The following ZMIZ1 variants were observed in gnomAD, a reference collection of about 807,000 sequenced individuals.
ZMIZ1 encodes zinc finger MIZ-type containing 1, also known as zinc finger MIZ domain-containing protein 1.
In ZMIZ1, 17 loss-of-function variants were observed where a neutral mutation model predicts 113.9. The observed-to-expected ratio is 0.15, with a 90% CI of 0.10 to 0.22. The LOEUF (loss-of-function observed/expected upper bound fraction) is 0.22. Among genes scored for constraint, ZMIZ1 ranks in the 10% least tolerant of loss-of-function variants. The probability of loss-of-function intolerance (pLI) is 1.00; values close to 1 mark genes in which losing one functional copy is unlikely to be tolerated. For missense variants in ZMIZ1, 1,059 were observed against 1,477.8 expected, an observed-to-expected ratio of 0.72 and a Z score of 4.65; for synonymous variants, 607 against 603.1, an observed-to-expected ratio of 1.01 and a Z score of -0.09.
chr10:79,269,456 A>ACACAC (rs1851803859), intron 7 of ZMIZ1, among the ~76,000 whole-genome samples: 2 of 138,568 alleles, frequency 1.4e-5, no homozygotes, highest in African/African-American at 2.7e-5. Context: ...ACCTCCCCCC[A>ACACAC]ACACACACAC....
chr10:79,097,006 A>G lies in ZMIZ1; in HGVS notation c.-336-21909A>G, dbSNP rs543269991. Among the ~76,000 whole-genome samples, 4 of 152,310 alleles carry G rather than the reference A, an allele frequency of 2.6e-5. No homozygotes were observed. The South Asian group carries it at 6.2e-4, about 24-fold the overall frequency. ...AGGAAACAGCGTGTGCAAAGGCTAG[A>G]GACAGAGAGGGGTCCCATGTGGCTC... On this transcript the variant is annotated intron_variant, in intron 1 of 24. Transcript: ENST00000334512.
intron 4 of ZMIZ1, among the ~76,000 whole-genome samples, chr10:79,194,010 C>G (rs1237207863): frequency 6.6e-6 from 1 of 152,218 alleles, no homozygotes; most frequent in African/African-American, 2.4e-5. Flanking sequence ...AAGGGGCTGT[C>G]TGGGATGTCC....
rs539753777 is a variant in ZMIZ1, at chr10:79,150,383, C to T, written c.-131+10606C>T. ...GCCTCTGGCCTGCGCTGACCCCCTCCCTGGGCCTCCCCGTGGTGGCAGCTC... is the reference window on the plus strand; with the variant it reads ...GCCTCTGGCCTGCGCTGACCCCCTCTCTGGGCCTCCCCGTGGTGGCAGCTC... On this transcript the variant is annotated intron_variant, in intron 3 of 24. Transcript: ENST00000334512. 3.3e-5 allele frequency among the ~76,000 whole-genome samples: 5 copies of T among 152,384 alleles called. No homozygotes were observed. In the South Asian group the frequency reaches 1.0e-3, roughly 32 times the overall value.
chr10:79,262,533 A>G (rs1390999083), intron 7 of ZMIZ1, among the ~76,000 whole-genome samples: 1 of 152,232 alleles, frequency 6.6e-6, no homozygotes, highest in East Asian at 1.9e-4. Context: ...AACCATTTTG[A>G]TTTTCATTGC....
At position 79,285,354 on chromosome 10, in the gene ZMIZ1, A is replaced by G. The variant is rs145302489; in HGVS notation, c.426-4421A>G. The G allele has an allele frequency of 9.9e-5, 40 of 404,436 alleles. 1 individual carries two copies. In the East Asian group the frequency reaches 2.8e-3, roughly 29 times the overall value. 25.1% of individuals were successfully genotyped at this position (404,436 alleles called of 1,614,324 possible). A position where few individuals can be genotyped will look rare whatever the true frequency, so the allele number is the denominator to read the frequency against. ...GGCAGCCAGCAGTTTCAGGGTGTCC[A>G]AGGTGTGCGGGACTCTGGGCCTCAT... On this transcript the variant is annotated intron_variant, in intron 8 of 24. Coordinates refer to ENST00000334512, the MANE Select transcript of ZMIZ1 (RefSeq NM_020338.4).
At chr10:79,110,851 A>T (rs1843713999) in intron 1 of ZMIZ1, among the ~76,000 whole-genome samples, 2 of 152,210 alleles carry the variant, frequency 1.3e-5, no homozygotes, top group Admixed American at 6.5e-5. Context: ...GAAGGGCTTG[A>T]ACTCATGAAC....
intron 7 of ZMIZ1, among the ~76,000 whole-genome samples, chr10:79,222,462 C>T (rs1032254008): frequency 5.3e-5 from 8 of 152,194 alleles, no homozygotes; most frequent in African/African-American, 9.7e-5. Flanking sequence ...CCCATCTCAA[C>T]GCAGCAGCCC....
chr10:79,133,100 G>T (rs1251694791), intron 2 of ZMIZ1, among the ~76,000 whole-genome samples: 1 of 152,124 alleles, frequency 6.6e-6, no homozygotes, highest in East Asian at 1.9e-4. Flanking sequence ...CCTTAGAATA[G>T]CATCCAAGAC....
At chr10:79,105,044 A>T (rs1843506793) in intron 1 of ZMIZ1, among the ~76,000 whole-genome samples, 1 of 151,812 alleles carries the variant, frequency 6.6e-6, no homozygotes, top group Non-Finnish European at 1.5e-5. Context: ...GGAAAATAGC[A>T]GATGCTAGAT....
intron 5 of ZMIZ1, among the ~76,000 whole-genome samples, chr10:79,205,669 C>T (rs1848288262): frequency 1.3e-5 from 2 of 152,212 alleles, no homozygotes; most frequent in Admixed American, 6.5e-5. Context: ...TCCTGGGCTG[C>T]ATGGCTCAGC....
chr10:79,307,622 G>A (rs1201128863), intron 23 of ZMIZ1, 51 bp downstream of exon 23: 1 of 1,580,514 alleles, frequency 6.3e-7, no homozygotes, highest in Admixed American at 1.9e-5. Flanking sequence ...TGGGGTTGAT[G>A]CCTTGGGATC....
At chr10:79,087,623 C>A (rs1842858568) in intron 1 of ZMIZ1, among the ~76,000 whole-genome samples, 1 of 152,252 alleles carries the variant, frequency 6.6e-6, no homozygotes, top group African/African-American at 2.4e-5. Context: ...AAAGGCACCC[C>A]TGATCTATCA....
rs899512360 is a variant in ZMIZ1, at chr10:79,314,515, C to T, written c.*1766C>T. ...CCGTTGTCGAGGTTTTTTCAAATAGCGTGTTGTTCAGTATGCAAATCAATT... is the reference window on the plus strand; with the variant it reads ...CCGTTGTCGAGGTTTTTTCAAATAGTGTGTTGTTCAGTATGCAAATCAATT... On this transcript the variant is annotated 3_prime_UTR_variant, in exon 25 of 25. Coordinates refer to ENST00000334512, the MANE Select transcript of ZMIZ1 (RefSeq NM_020338.4). 19 of 324,830 alleles carry T rather than the reference C, an allele frequency of 5.8e-5. No individual in the cohort carries two copies. The highest frequency in any genetic ancestry group is 3.5e-4 in the African/African-American group (16 of 46,230). 20.1% of individuals were successfully genotyped at this position (324,830 alleles called of 1,614,324 possible).
intron 1 of ZMIZ1, among the ~76,000 whole-genome samples, chr10:79,080,095 G>T (rs1192170769): frequency 2.6e-5 from 4 of 152,202 alleles, no homozygotes; most frequent in Admixed American, 6.5e-5. Context: ...CTCTGTAATT[G>T]TGCATGAGTC....
At chr10:79,101,152 C>T (rs1353891150) in intron 1 of ZMIZ1, among the ~76,000 whole-genome samples, 2 of 152,126 alleles carry the variant, frequency 1.3e-5, no homozygotes, top group African/African-American at 2.4e-5. Context: ...AGTAATTCAG[C>T]ATACAGTTGA....
At chr10:79,229,716 C>G (rs542257168) in intron 7 of ZMIZ1, among the ~76,000 whole-genome samples, 1 of 152,266 alleles carries the variant, frequency 6.6e-6, no homozygotes, top group South Asian at 2.1e-4. Context: ...CCTGTACTCC[C>G]AAAGGAGCTC....
At chr10:79,168,472 G>T (rs1250058045) in intron 4 of ZMIZ1, among the ~76,000 whole-genome samples, 1 of 152,192 alleles carries the variant, frequency 6.6e-6, no homozygotes, top group Non-Finnish European at 1.5e-5. Flanking sequence ...GCTCAGGGCA[G>T]GCTATGAACC....
At chr10:79,166,221 C>T (rs922690877) in intron 4 of ZMIZ1, among the ~76,000 whole-genome samples, 2 of 152,156 alleles carry the variant, frequency 1.3e-5, no homozygotes, top group African/African-American at 4.8e-5. Context: ...TTCTCAGGGC[C>T]ACTCCTTACC....
intron 4 of ZMIZ1, among the ~76,000 whole-genome samples, chr10:79,190,651 G>C (rs572866548): frequency 6.6e-6 from 1 of 152,304 alleles, no homozygotes; most frequent in East Asian, 1.9e-4. Flanking sequence ...AGCAGCCACT[G>C]CCCTGGGTCA....
Sources: allele counts gnomAD v4.1 joint callset (sites outside exome capture counted in the v4.1 genomes callset), GRCh38; gene constraint gnomAD v4.1.1; transcripts MANE v1.5; gene names NCBI Gene and HGNC (gene_info 2026-07-23, HGNC 2026-07-21).